The following TPST2 variants were observed in gnomAD, a reference collection of about 807,000 sequenced individuals.
TPST2 encodes protein-tyrosine sulfotransferase 2.
TPST2 carries 16 observed loss-of-function variants against 27.8 expected under a neutral mutation model. That is an observed-to-expected ratio of 0.58 (90% CI 0.39 to 0.88). The LOEUF is 0.88. Ranked by LOEUF, TPST2 falls within the 40% of genes least tolerant of loss-of-function variation. TPST2 has a pLI of 0.00. For missense variants in TPST2, 464 were observed against 543.1 expected (o/e 0.85, Z 1.45); for synonymous variants, 229 against 231.7 (o/e 0.99, Z 0.10).
intron 1 of TPST2, among the ~76,000 whole-genome samples, chr22:26,571,325 G>C (rs530298837): frequency 9.1e-4 from 138 of 152,164 alleles, no homozygotes; most frequent in African/African-American, 3.2e-3. Context: ...TCACCCTCCT[G>C]TCCTCTCTCA....
At chr22:26,546,302 C>T (rs1926121220) in intron 1 of TPST2, among the ~76,000 whole-genome samples, 1 of 152,190 alleles carries the variant, frequency 6.6e-6, no homozygotes, top group African/African-American at 2.4e-5. Context: ...ACTAGACCCC[C>T]CCACAGCAGG....
intron 1 of TPST2, among the ~76,000 whole-genome samples, chr22:26,585,466 G>A (rs1290306756): frequency 1.3e-5 from 2 of 152,138 alleles, no homozygotes; most frequent in African/African-American, 4.8e-5. Context: ...GGGGAGACCT[G>A]AGAAGTGACG....
intron 1 of TPST2, among the ~76,000 whole-genome samples, chr22:26,576,620 T>C (rs1039749243): frequency 1.3e-5 from 2 of 152,000 alleles, no homozygotes; most frequent in African/African-American, 4.8e-5. Context: ...TGAACAGAAT[T>C]GTCTTTGTGG....
At chr22:26,589,350 C>T (rs1288197917) in intron 1 of TPST2, among the ~76,000 whole-genome samples, 1 of 152,178 alleles carries the variant, frequency 6.6e-6, no homozygotes, top group Non-Finnish European at 1.5e-5. Flanking sequence ...GTCAGGCGTG[C>T]TCAGCCTCTG....
intron 1 of TPST2, chr22:26,555,148 A>T (rs187876559): frequency 4.9e-5 from 26 of 532,220 alleles, no homozygotes; most frequent in African/African-American, 4.4e-4. Flanking sequence ...CGTGGAGCTG[A>T]GGGAATTTGC....
intron 1 of TPST2, among the ~76,000 whole-genome samples, chr22:26,575,072 G>A (rs142261407): frequency 6.6e-5 from 10 of 152,180 alleles, no homozygotes; most frequent in African/African-American, 2.4e-4. Flanking sequence ...ACACACCCTA[G>A]ATGCAGGGGT....
At chr22:26,550,455 G>A (rs942093451) in intron 1 of TPST2, 2 of 451,642 alleles carry the variant, frequency 4.4e-6, no homozygotes, top group African/African-American at 2.1e-5. Flanking sequence ...AAATCTATAG[G>A]AACTTTCTAA....
intron 1 of TPST2, among the ~76,000 whole-genome samples, chr22:26,548,730 G>C (rs1351495526): frequency 6.6e-6 from 1 of 151,420 alleles, no homozygotes; most frequent in African/African-American, 2.4e-5. Context: ...TGAGGGCTGA[G>C]GCAGGAGGCT....
intron 1 of TPST2, among the ~76,000 whole-genome samples, chr22:26,578,293 G>A (rs542048659): frequency 5.9e-5 from 9 of 152,222 alleles, no homozygotes; most frequent in South Asian, 4.1e-4. Context: ...CGTGTGCTTC[G>A]TCTGCTGCAC....
rs552433818 is a variant in TPST2 at position 26,532,685 on chromosome 22, G to A, written c.1092+10C>T. On this transcript the variant is annotated intron_variant, in intron 5 of 6. Transcript: ENST00000338754. ...AGACAGAATTCGGAATTCCCCTTGG[G>A]GTTTCTAACCTGAAAATATCCTTTC... 11 of 1,613,774 alleles carry A rather than the reference G, an allele frequency of 6.8e-6. No individual in the cohort carries two copies. Among genetic ancestry groups the A allele is most frequent in the Non-Finnish European group, 9.3e-6 (11 of 1,179,750 alleles).
chr22:26,536,530 T>G lies in TPST2; in HGVS notation c.843-44A>C, dbSNP rs758111336. The G allele has an allele frequency of 7.6e-6, 11 of 1,441,526 alleles. No homozygotes were observed. The South Asian group carries it at 1.8e-4, about 23-fold the overall frequency. The allele number at this position is 1,441,526 out of a possible 1,614,324, so 89.3% of individuals were successfully genotyped here. On this transcript the variant is annotated intron_variant, in intron 3 of 6. Transcript: ENST00000338754. ...CTGGAGAGGGTAGGGCAGACCCAGA[T>G]GGCGCCTGAGCGGATTCCCTGCTCA...
chr22:26,526,708 G>A (rs1924857705), intron 6 of TPST2, among the ~76,000 whole-genome samples: 1 of 152,206 alleles, frequency 6.6e-6, no homozygotes, highest in Non-Finnish European at 1.5e-5. Context: ...CTGCAGAAAG[G>A]CAGCGAGGGA....
At chr22:26,575,407 A>C (rs1458276519) in intron 1 of TPST2, among the ~76,000 whole-genome samples, 1 of 152,084 alleles carries the variant, frequency 6.6e-6, no homozygotes, top group Non-Finnish European at 1.5e-5. Flanking sequence ...CACACTTACC[A>C]ATTGCTAAGG....
chr22:26,544,332 C>T (rs1926010658), intron 2 of TPST2, among the ~76,000 whole-genome samples: 1 of 152,212 alleles, frequency 6.6e-6, no homozygotes, highest in Admixed American at 6.5e-5. Flanking sequence ...GTCCCCCGCC[C>T]ACTTTGGGAC....
At chr22:26,533,095 G>A (rs887168877) in intron 4 of TPST2, among the ~76,000 whole-genome samples, 1 of 152,094 alleles carries the variant, frequency 6.6e-6, no homozygotes, top group African/African-American at 2.4e-5. Flanking sequence ...AGTAACCAGG[G>A]GGCTTCTTTT....
intron 1 of TPST2, among the ~76,000 whole-genome samples, chr22:26,574,056 T>C (rs370885640): frequency 9.9e-5 from 15 of 152,196 alleles, no homozygotes; most frequent in East Asian, 9.6e-4. Flanking sequence ...AGATTTACAA[T>C]TGGGGAACAG....
chr22:26,580,687 TG>T (rs1335456851), intron 1 of TPST2, among the ~76,000 whole-genome samples: 1 of 152,084 alleles, frequency 6.6e-6, no homozygotes, highest in African/African-American at 2.4e-5. Flanking sequence ...AAGGAAGCAA[TG>T]TTTTTTTATG....
At chr22:26,535,026 A>T (rs1925371856) in intron 4 of TPST2, among the ~76,000 whole-genome samples, 1 of 152,220 alleles carries the variant, frequency 6.6e-6, no homozygotes, top group Admixed American at 6.5e-5. Flanking sequence ...CGAGACCCAC[A>T]GACAAAGCTT....
At chr22:26,527,486 G>C (rs77312781) in intron 6 of TPST2, among the ~76,000 whole-genome samples, 1 of 152,122 alleles carries the variant, frequency 6.6e-6, no homozygotes, top group African/African-American at 2.4e-5. Flanking sequence ...GGGCTGAAGG[G>C]AGTTAAACCT....
Sources: gnomAD v4.1 joint callset for allele counts (sites outside exome capture counted in the v4.1 genomes callset) on GRCh38, gnomAD v4.1.1 for gene constraint, MANE v1.5 for transcripts, NCBI Gene and HGNC (gene_info 2026-07-23, HGNC 2026-07-21) for gene names.